HFM1: variants seen among roughly 807,000 people sequenced by gnomAD.
HFM1 encodes the protein helicase for meiosis 1.
In HFM1, 169 loss-of-function variants were observed where a neutral mutation model predicts 192.1. That is an observed-to-expected ratio of 0.88 (90% CI 0.78 to 1.00). The LOEUF is 1.00. HFM1 is among the 50% of genes least tolerant of loss of function. HFM1 has a pLI of 0.00. For missense variants in HFM1, 1,661 were observed against 1,668.0 expected (o/e 1.00, Z 0.07); for synonymous variants, 525 against 537.8 (o/e 0.98, Z 0.33).
chr1:91,367,800 C>T (rs889698298), intron 13 of HFM1, among the ~76,000 whole-genome samples: 2 of 152,040 alleles, frequency 1.3e-5, no homozygotes, highest in African/African-American at 2.4e-5. Flanking sequence ...GATCAAACTA[C>T]TCCAAGCTAA....
At chr1:91,372,368 G>A (rs551432983) in intron 13 of HFM1, among the ~76,000 whole-genome samples, 2 of 152,308 alleles carry the variant, frequency 1.3e-5, no homozygotes, top group African/African-American at 2.4e-5. Flanking sequence ...ACTGGATTAA[G>A]AAAATGTGGC....
chr1:91,300,554 A>C (rs1336182000), intron 30 of HFM1, among the ~76,000 whole-genome samples: 1 of 152,198 alleles, frequency 6.6e-6, no homozygotes, highest in Non-Finnish European at 1.5e-5. Context: ...TGGCAAACTA[A>C]ATCTAGCAGC....
At position 91,375,338 on chromosome 1, in the gene HFM1, G is replaced by GA; in HGVS notation, c.1685+19dup. 6.3e-7 allele frequency: 1 copy of GA among 1,576,182 alleles called. No homozygotes were observed. Among genetic ancestry groups the GA allele is most frequent in the South Asian group, 1.1e-5 (1 of 88,884 alleles). On this transcript the variant is annotated intron_variant, in intron 13 of 38. Coordinates refer to ENST00000370425, the MANE Select transcript of HFM1 (RefSeq NM_001017975.6). ...GCCCTAAAAGTCCTTCTACTTCCAT[G>GA]AAAAAATAAAATACTATACCTCTGT...
At chr1:91,293,763 G>A (rs1419619019) in intron 30 of HFM1, among the ~76,000 whole-genome samples, 17 of 148,774 alleles carry the variant, frequency 1.1e-4, no homozygotes, top group East Asian at 2.0e-4. Flanking sequence ...TGTTTATTGC[G>A]GCATTATTCA....
At chr1:91,286,267 C>T (rs184774582) in intron 30 of HFM1, among the ~76,000 whole-genome samples, 7 of 152,294 alleles carry the variant, frequency 4.6e-5, no homozygotes, top group African/African-American at 1.7e-4. Context: ...TAACAAAGTA[C>T]CACACACTGG....
At chr1:91,268,515 C>T (rs1426508462) in intron 34 of HFM1, among the ~76,000 whole-genome samples, 2 of 151,940 alleles carry the variant, frequency 1.3e-5, no homozygotes, top group African/African-American at 2.4e-5. Context: ...AAGGCAACAA[C>T]AGTACCTACC....
At chr1:91,318,197 C>T (rs1017094057) in intron 25 of HFM1, among the ~76,000 whole-genome samples, 3 of 152,084 alleles carry the variant, frequency 2.0e-5, no homozygotes, top group Non-Finnish European at 2.9e-5. Flanking sequence ...AATCTCTCCC[C>T]TTACTTTCAC....
chr1:91,365,028 C>G (rs184528428), intron 13 of HFM1, among the ~76,000 whole-genome samples: 3 of 151,962 alleles, frequency 2.0e-5, no homozygotes, highest in African/African-American at 7.3e-5. Context: ...TGAGATTCTG[C>G]GACTTGCCAC....
intron 30 of HFM1, among the ~76,000 whole-genome samples, chr1:91,288,453 A>G (rs1232600250): frequency 6.6e-6 from 1 of 150,470 alleles, no homozygotes; most frequent in Non-Finnish European, 1.5e-5. Context: ...GTCATAGGAC[A>G]ATAGTGGAGG....
In HFM1 at chr1:91,313,370, T is replaced by C. The variant is rs1650751453; in HGVS notation, c.3370A>G (p.Thr1124Ala). Residue 1124 changes from threonine to alanine, a missense_variant, in exon 30 of 39, where the codon ACA (threonine) becomes GCA (alanine). Coordinates refer to ENST00000370425, the MANE Select transcript of HFM1 (RefSeq NM_001017975.6). ...ISHSKHSDIS[T>A]IAGPNKGTTA... ...TTACCTTTATTAGGTCCTGCTATTG[T>C]AGATATGTCTGAATGTTTAGAATGG... is the stretch of plus-strand genomic sequence containing the variant. 1.9e-6 allele frequency: 3 copies of C among 1,580,958 alleles called. No individual in the cohort carries two copies. The highest frequency in any genetic ancestry group is 2.3e-5 in the East Asian group (1 of 44,216).
chr1:91,305,753 A>G (rs1213107136), intron 30 of HFM1, among the ~76,000 whole-genome samples: 1 of 151,930 alleles, frequency 6.6e-6, no homozygotes, highest in Non-Finnish European at 1.5e-5. Flanking sequence ...ATTTTTGTAA[A>G]GATGGAGTTT....
At chr1:91,287,715 G>A (rs1354247532) in intron 30 of HFM1, among the ~76,000 whole-genome samples, 32 of 151,742 alleles carry the variant, frequency 2.1e-4, no homozygotes, top group Non-Finnish European at 2.2e-4. Flanking sequence ...AAATTACTCC[G>A]AGCTACGGGA....
At chr1:91,371,792 G>A (rs1571150728) in intron 13 of HFM1, among the ~76,000 whole-genome samples, 1 of 151,724 alleles carries the variant, frequency 6.6e-6, no homozygotes, top group Admixed American at 6.6e-5. Context: ...CCATCAGAGT[G>A]AATAGGCAGC....
At chr1:91,369,933 C>G (rs964912250) in intron 13 of HFM1, among the ~76,000 whole-genome samples, 5 of 152,146 alleles carry the variant, frequency 3.3e-5, no homozygotes, top group Non-Finnish European at 5.9e-5. Context: ...CACAGAAATA[C>G]AAACTACCAT....
intron 23 of HFM1, among the ~76,000 whole-genome samples, chr1:91,321,204 G>A (rs1322496607): frequency 6.6e-6 from 1 of 152,234 alleles, no homozygotes; most frequent in Non-Finnish European, 1.5e-5. Context: ...CACTTTGGGA[G>A]GCCGAGGCAG....
chr1:91,371,917 AGTGG>A (rs1009396493), intron 13 of HFM1, among the ~76,000 whole-genome samples: 7 of 152,238 alleles, frequency 4.6e-5, no homozygotes, highest in African/African-American at 1.4e-4. Flanking sequence ...CCCAACAAAA[AGTGG>A]GTGAAGGATA....
intron 18 of HFM1, 103 bp from the exon 19 acceptor site, chr1:91,347,579 G>GAA: frequency 1.8e-6 from 1 of 570,968 alleles, no homozygotes; most frequent in African/African-American, 2.0e-5. Flanking sequence ...TCTTATATAA[G>GAA]AAAAAAAAAT....
rs751940190 is a variant in HFM1, at chr1:91,343,460, T to C, written c.2305A>G (p.Met769Val). The C allele has an allele frequency of 1.5e-5, 22 of 1,446,362 alleles. No homozygotes were observed. Among genetic ancestry groups the C allele is most frequent in the Non-Finnish European group, 1.6e-5 (17 of 1,053,324 alleles). 89.6% of individuals were successfully genotyped at this position (1,446,362 alleles called of 1,614,324 possible). Residue 769 changes from methionine (M) to valine (V), a missense_variant, in exon 20 of 39, where the codon ATG becomes GTG. By Grantham distance (21) the Met-to-Val change is conservative. Coordinates refer to ENST00000370425, the MANE Select transcript of HFM1 (RefSeq NM_001017975.6). ...NDLSSLDLIK[M>V]DEGVNFKPTE... ...GGTTTGAAATTAACACCTTCATCCATCTTTATTAAGTCCAGGGATGATAAA... is the reference window on the plus strand; with the variant it reads ...GGTTTGAAATTAACACCTTCATCCACCTTTATTAAGTCCAGGGATGATAAA...
rs1313430666 is a variant in HFM1 at position 91,350,837 on chromosome 1, C to A, written c.2107G>T (p.Glu703Ter). The change falls in exon 18 of 39, where the codon GAG (glutamate) becomes TAG (stop). Residue 703 changes from glutamate (E) to a stop codon, truncating the protein, a stop_gained. Transcript: ENST00000370425. LOFTEE classifies it high-confidence loss of function. The stretch of plus-strand genomic sequence containing the variant: ...TCCGTGATGGTATGCAGTACTATCT[C>A]TGCATTTAAATGTTCAATAAGATGT... ...HRHLIEHLNAEIVLHTITDVN... is the reference protein window; with the variant it reads ...HRHLIEHLNA 5.0e-6 allele frequency: 8 copies of A among 1,593,632 alleles called. No homozygotes were observed. Among genetic ancestry groups the A allele is most frequent in the Non-Finnish European group, 6.0e-6 (7 of 1,165,392 alleles).
Sources: allele counts gnomAD v4.1 joint callset (sites outside exome capture counted in the v4.1 genomes callset), GRCh38; gene constraint gnomAD v4.1.1; transcripts MANE v1.5; gene names NCBI Gene and HGNC (gene_info 2026-07-23, HGNC 2026-07-21).